Variants in ANAPC1 observed in about 807,000 individuals in gnomAD.
The protein encoded by ANAPC1 is anaphase promoting complex subunit 1, also known as anaphase-promoting complex subunit 1.
A neutral mutation model predicts 208.0 loss-of-function variants in ANAPC1; 36 were observed. That is an observed-to-expected ratio of 0.17 (90% CI 0.13 to 0.23). The LOEUF (loss-of-function observed/expected upper bound fraction) is 0.23, where lower values mean the gene tolerates loss of function less well. ANAPC1 is among the 10% of genes least tolerant of loss of function. The probability of loss-of-function intolerance (pLI) is 1.00; values close to 1 mark genes in which losing one functional copy is unlikely to be tolerated. For missense variants in ANAPC1, 942 were observed against 2,011.6 expected, an observed-to-expected ratio of 0.47 and a Z score of 10.17; for synonymous variants, 378 against 695.2, an observed-to-expected ratio of 0.54 and a Z score of 7.18.
Position 111,834,704 on chromosome 2 carries a change from T to A in ANAPC1, c.2284A>T (p.Ile762Phe). The change falls in exon 19 of 48, where the codon ATT (isoleucine) becomes TTT (phenylalanine). Residue 762 changes from isoleucine (I) to phenylalanine (F), a missense_variant. Coordinates refer to ENST00000341068, the MANE Select transcript of ANAPC1 (RefSeq NM_022662.4). ...STLLFTHIPAIFFVLHLVYEE... is the reference protein window; with the variant it reads ...STLLFTHIPAFFFVLHLVYEE... ...TACACAAGGTGAAGAACGAAAAAAA[T>A]TGCAGGTATGTGAGTAAAGAGAAGT... 3 of 1,613,474 alleles carry A rather than the reference T, an allele frequency of 1.9e-6. No individual in the cohort carries two copies. Among genetic ancestry groups the A allele is most frequent in the Non-Finnish European group, 1.7e-6 (2 of 1,179,756 alleles).
intron 4 of ANAPC1, 23 bp downstream of exon 4, chr2:111,873,590 T>C: frequency 1.3e-6 from 2 of 1,545,748 alleles, no homozygotes; most frequent in Non-Finnish European, 1.7e-6. Context: ...ATAAGAAAAA[T>C]AAAATTTCAA....
intron 6 of ANAPC1, among the ~76,000 whole-genome samples, chr2:111,872,171 T>C (rs1340842945): frequency 5.3e-5 from 8 of 152,336 alleles, no homozygotes; most frequent in South Asian, 4.1e-4. Context: ...GTCCCTTCTA[T>C]GCCTAGTTTG....
chr2:111,873,052 A>G (rs113773470), intron 5 of ANAPC1: 62,215 of 460,314 alleles, frequency 0.14, 5,071 homozygotes, highest in Non-Finnish European at 0.15. Flanking sequence ...TAATATAACC[A>G]AAAGTTCTTA....
intron 47 of ANAPC1, 23 bp downstream of exon 47, chr2:111,772,318 A>T (rs762491553): frequency 6.2e-7 from 1 of 1,613,614 alleles, no homozygotes; most frequent in Admixed American, 1.7e-5. Context: ...GTTACTGAAG[A>T]TAAGACTTAG....
At chr2:111,777,329 A>C (rs1241673378) in intron 45 of ANAPC1, among the ~76,000 whole-genome samples, 3 of 152,148 alleles carry the variant, frequency 2.0e-5, no homozygotes, top group Non-Finnish European at 4.4e-5. Context: ...AGCTCCGAAT[A>C]ACCAAGACCC....
intron 32 of ANAPC1, chr2:111,802,875 T>C (rs1678508063): frequency 4.4e-6 from 1 of 227,540 alleles, no homozygotes; most frequent in East Asian, 1.3e-4. Context: ...ACTCCTTGAA[T>C]CTTAGAATTT....
At chr2:111,821,876 G>A in intron 25 of ANAPC1, 1 of 236,816 alleles carries the variant, frequency 4.2e-6, no homozygotes, top group Non-Finnish European at 8.4e-6. Flanking sequence ...CAGTATTTCG[G>A]GAGGGATAGC....
chr2:111,776,201 A>G (rs529515646), intron 46 of ANAPC1, among the ~76,000 whole-genome samples: 3 of 151,804 alleles, frequency 2.0e-5, no homozygotes, highest in African/African-American at 7.3e-5. Context: ...GAATGAACTA[A>G]AAAGAATGAA....
intron 38 of ANAPC1, 21 bp downstream of exon 38, chr2:111,792,341 G>GA (rs1164110701): frequency 4.2e-5 from 62 of 1,461,832 alleles, no homozygotes; most frequent in Non-Finnish European, 5.7e-5. Context: ...CTTTTCATTG[G>GA]AAAAATACAT....
chr2:111,769,510 T>C (rs1240288123), intron 47 of ANAPC1, 104 bp from the exon 48 acceptor site: 1 of 607,402 alleles, frequency 1.6e-6, no homozygotes, highest in Non-Finnish European at 3.0e-6. Flanking sequence ...AAACAGGCAT[T>C]TTTCCCTTTG....
intron 16 of ANAPC1, among the ~76,000 whole-genome samples, chr2:111,844,932 A>C (rs1680974705): frequency 6.6e-6 from 1 of 152,194 alleles, no homozygotes; most frequent in African/African-American, 2.4e-5. Context: ...TGTCACCTCC[A>C]ACTCCTGGAC....
At chr2:111,799,127 A>C (rs1487453649) in intron 34 of ANAPC1, among the ~76,000 whole-genome samples, 2 of 152,236 alleles carry the variant, frequency 1.3e-5, no homozygotes, top group Non-Finnish European at 2.9e-5. Flanking sequence ...ATTTTTTTAA[A>C]AAATAAGCAA....
chr2:111,785,905 T>C (rs904910456), intron 39 of ANAPC1, among the ~76,000 whole-genome samples: 1 of 151,690 alleles, frequency 6.6e-6, no homozygotes, highest in Non-Finnish European at 1.5e-5. Flanking sequence ...ATGTCAATTC[T>C]TCTCAGACAG....
In ANAPC1 at chr2:111,872,708, G is replaced by C; in HGVS notation, c.533C>G (p.Ala178Gly). The change falls in exon 6 of 48, where the codon GCA becomes GGA. Residue 178 changes from alanine (A) to glycine (G), a missense_variant. Physicochemically the swap from Ala to Gly is moderately conservative, Grantham distance 60 (BLOSUM62 0). Transcript: ENST00000341068. Reference sequence around the variant, plus strand: ...TCCATATTTAGTGGGCCAAACATTTGCAACCTTTCAGGTAAAAGGGTGGGA... The same window carrying C: ...TCCATATTTAGTGGGCCAAACATTTCCAACCTTTCAGGTAAAAGGGTGGGA... The part of the protein sequence containing the change: ...DYIASLPFQV[A>G]NVWPTKYGLL... 1 of 1,612,452 alleles carries C rather than the reference G, an allele frequency of 6.2e-7. No homozygotes were observed. Among genetic ancestry groups the C allele is most frequent in the Non-Finnish European group, 8.5e-7 (1 of 1,178,620 alleles).
intron 43 of ANAPC1, chr2:111,780,840 A>T (rs1677233819): frequency 1.2e-5 from 2 of 160,324 alleles, no homozygotes; most frequent in South Asian, 3.2e-4. Context: ...GTTGCCAGGG[A>T]CTAGGGGAAG....
At chr2:111,862,696 G>A (rs1335631107) in intron 9 of ANAPC1, 98 bp from the exon 10 acceptor site, 2 of 1,479,292 alleles carry the variant, frequency 1.4e-6, no homozygotes, top group East Asian at 2.5e-5. Flanking sequence ...ACAGACAGAA[G>A]AGCATTCATG....
chr2:111,827,098 T>A (rs1224714275), intron 21 of ANAPC1, among the ~76,000 whole-genome samples: 4 of 152,176 alleles, frequency 2.6e-5, no homozygotes, highest in Non-Finnish European at 4.4e-5. Context: ...CAGTAATGTA[T>A]GAGAGTTTCG....
intron 10 of ANAPC1, among the ~76,000 whole-genome samples, chr2:111,860,187 T>C (rs1187625602): frequency 6.6e-6 from 1 of 151,870 alleles, no homozygotes; most frequent in Non-Finnish European, 1.5e-5. Context: ...TAGTCCCAGC[T>C]ATCTGGGAGG....
intron 1 of ANAPC1, among the ~76,000 whole-genome samples, chr2:111,883,332 T>A (rs904460794): frequency 4.6e-5 from 7 of 152,038 alleles, no homozygotes; most frequent in Non-Finnish European, 1.0e-4. Flanking sequence ...CTTATAACTT[T>A]GAGAGAAAAT....
Sources: allele counts gnomAD v4.1 joint callset (sites outside exome capture counted in the v4.1 genomes callset), GRCh38; gene constraint gnomAD v4.1.1; transcripts MANE v1.5; gene names NCBI Gene and HGNC (gene_info 2026-07-23, HGNC 2026-07-21).